The following SPPL3 variants were observed in gnomAD, a reference collection of about 807,000 sequenced individuals.
SPPL3 encodes signal peptide peptidase-like 3.
SPPL3 carries 5 observed loss-of-function variants against 42.4 expected under a neutral mutation model. That is an observed-to-expected ratio of 0.12 (90% CI 0.06 to 0.25). SPPL3 has a LOEUF of 0.25. Ranked by LOEUF, SPPL3 falls within the 10% of genes least tolerant of loss-of-function variation. SPPL3 has a pLI of 1.00. For missense variants in SPPL3, 235 were observed against 489.0 expected (o/e 0.48, Z 4.90); for synonymous variants, 195 against 181.8 (o/e 1.07, Z -0.58).
rs1002140219 is a variant in SPPL3, at chr12:120,903,494, C to T, written c.23+351G>A. 3 of 310,976 alleles carry T rather than the reference C, an allele frequency of 9.6e-6. No individual in the cohort carries two copies. In the South Asian group the frequency reaches 1.1e-4, roughly 12 times the overall value. 19.3% of individuals were successfully genotyped at this position (310,976 alleles called of 1,614,324 possible). On this transcript the variant is annotated intron_variant, in intron 1 of 10. Coordinates refer to ENST00000353487, the MANE Select transcript of SPPL3 (RefSeq NM_139015.5). ...TTCGAGTCCTCCTGCCCAGGAAACA[C>T]CCCCACGAGTCAGTTCCGGGGTGCC...
In SPPL3 at chr12:120,904,168, G is replaced by A. The variant is rs1414486462; in HGVS notation, c.-301C>T. ...AACATGGCGGCGGCGGCGGCGCGGA[G>A]AACAAGGGGGCCCTGGGGCGGGCGA... is the stretch of plus-strand genomic sequence containing the variant. On this transcript the variant is annotated 5_prime_UTR_variant, in exon 1 of 11. Transcript: ENST00000353487. 3 of 279,518 alleles carry A rather than the reference G, an allele frequency of 1.1e-5. No individual in the cohort carries two copies. Among genetic ancestry groups the A allele is most frequent in the African/African-American group, 2.3e-5 (1 of 43,900 alleles). The allele number at this position is 279,518 out of a possible 1,614,324, so 17.3% of individuals were successfully genotyped here.
At chr12:120,903,783 C>T in intron 1 of SPPL3, 62 bp downstream of exon 1, 1 of 1,037,916 alleles carries the variant, frequency 9.6e-7, no homozygotes, top group Non-Finnish European at 1.3e-6. Context: ...CCTCGGCGGG[C>T]CGCGCCGGCG....
Position 120,774,307 on chromosome 12 carries a change from CCACTGT to C in SPPL3, c.503-5254_503-5249del, listed in dbSNP as rs1869231097. Among the ~76,000 whole-genome samples, 3 of 152,312 alleles carry C rather than the reference CCACTGT, an allele frequency of 2.0e-5. No individual in the cohort carries two copies. In the South Asian group the frequency reaches 6.2e-4, roughly 32 times the overall value. ...ACTCTTTCCCATGTACTGTTCACTGCCACTGTCAAACATCTGTTCACATAATTTCCT... is the reference window on the plus strand; with the variant it reads ...ACTCTTTCCCATGTACTGTTCACTGCCAAACATCTGTTCACATAATTTCCT... On this transcript the variant is annotated intron_variant, in intron 6 of 10. Transcript: ENST00000353487.
intron 1 of SPPL3, among the ~76,000 whole-genome samples, chr12:120,868,139 C>G (rs190203907): frequency 6.6e-6 from 1 of 152,060 alleles, no homozygotes; most frequent in African/African-American, 2.4e-5. Context: ...ACCTATAATC[C>G]CAGCCATTCA....
Position 120,857,173 on chromosome 12 carries a change from C to A in SPPL3, c.24-46287G>T, listed in dbSNP as rs1025288825. ...CCCTCTTCCCCTCCACCAGAAAAGT[C>A]AAAAGAGGGAGCTCTAGAGCCAGAA... On this transcript the variant is annotated intron_variant, in intron 1 of 10. Coordinates refer to ENST00000353487, the MANE Select transcript of SPPL3 (RefSeq NM_139015.5). 4.6e-5 allele frequency among the ~76,000 whole-genome samples: 7 copies of A among 152,318 alleles called. No homozygotes were observed. The East Asian group carries it at 1.3e-3, about 29-fold the overall frequency.
At chr12:120,785,148 A>G (rs1305830902) in intron 3 of SPPL3, among the ~76,000 whole-genome samples, 1 of 152,172 alleles carries the variant, frequency 6.6e-6, no homozygotes, top group Non-Finnish European at 1.5e-5. Context: ...TCACGCCTGT[A>G]ATCCCAGGAC....
chr12:120,903,587 G>C, intron 1 of SPPL3: 1 of 452,460 alleles, frequency 2.2e-6, no homozygotes, highest in Non-Finnish European at 4.0e-6. Flanking sequence ...TCCATCACCT[G>C]CTCCGCCCAT....
intron 1 of SPPL3, among the ~76,000 whole-genome samples, chr12:120,827,921 G>A (rs1244646828): frequency 6.6e-6 from 1 of 152,066 alleles, no homozygotes; most frequent in East Asian, 1.9e-4. Flanking sequence ...CCGAGGAGCT[G>A]GGACTACAGG....
At position 120,824,738 on chromosome 12, in the gene SPPL3, A is replaced by AT. The variant is rs928301292; in HGVS notation, c.24-13853dup. Reference sequence around the variant, plus strand: ...ATTTTTGTAGAGATGGGGTTTTGCCATATTACCCAAGCTGGTCTTGAACTC... The same window carrying AT: ...ATTTTTGTAGAGATGGGGTTTTGCCATTATTACCCAAGCTGGTCTTGAACTC... On this transcript the variant is annotated intron_variant, in intron 1 of 10. Coordinates refer to ENST00000353487, the MANE Select transcript of SPPL3 (RefSeq NM_139015.5). Among the ~76,000 whole-genome samples, 26 of 152,124 alleles carry AT rather than the reference A, an allele frequency of 1.7e-4. 1 individual carries two copies. Among genetic ancestry groups the AT allele is most frequent in the Non-Finnish European group, 1.5e-5 (1 of 68,010 alleles).
At chr12:120,864,533 A>AAAAAAC (rs773547197) in intron 1 of SPPL3, among the ~76,000 whole-genome samples, 4 of 152,184 alleles carry the variant, frequency 2.6e-5, no homozygotes, top group Non-Finnish European at 5.9e-5. Flanking sequence ...ACCCCATCTC[A>AAAAAAC]AAAAACAAAA....
chr12:120,839,904 G>A (rs905917538), intron 1 of SPPL3, among the ~76,000 whole-genome samples: 2 of 151,938 alleles, frequency 1.3e-5, no homozygotes, highest in African/African-American at 2.4e-5. Context: ...ATAACCCAAA[G>A]GCAGAAATAA....
At chr12:120,816,809 C>T (rs1870891693) in intron 1 of SPPL3, among the ~76,000 whole-genome samples, 2 of 152,110 alleles carry the variant, frequency 1.3e-5, no homozygotes, top group Non-Finnish European at 2.9e-5. Context: ...GGCCTAATTC[C>T]AGAGTCTCTC....
intron 2 of SPPL3, among the ~76,000 whole-genome samples, chr12:120,797,480 T>C (rs1870143301): frequency 6.6e-6 from 1 of 152,168 alleles, no homozygotes; most frequent in African/African-American, 2.4e-5. Context: ...TGAAAACTGC[T>C]GTGTTATGAG....
At chr12:120,788,595 G>A (rs753552264) in intron 3 of SPPL3, among the ~76,000 whole-genome samples, 11 of 152,064 alleles carry the variant, frequency 7.2e-5, no homozygotes, top group Non-Finnish European at 1.5e-4. Context: ...GCATGTAATC[G>A]TAAGAGTAAC....
chr12:120,864,445 G>C (rs1265537823), intron 1 of SPPL3, among the ~76,000 whole-genome samples: 1 of 152,196 alleles, frequency 6.6e-6, no homozygotes, highest in Non-Finnish European at 1.5e-5. Context: ...TGAGGCAGGA[G>C]AACTGCTTGA....
chr12:120,903,966 T>TTGCG lies in SPPL3; in HGVS notation c.-100_-99insCGCA. On this transcript the variant is annotated 5_prime_UTR_variant, in exon 1 of 11. Coordinates refer to ENST00000353487, the MANE Select transcript of SPPL3 (RefSeq NM_139015.5). ...TGAAGGCGCGGCCGGGGTCCGGTGC[T>TTGCG]TGCTTGCTTGCTCGCTCGCTGGCTC... The TTGCG allele has an allele frequency of 9.8e-7, 1 of 1,017,422 alleles. No individual in the cohort carries two copies. Among genetic ancestry groups the TTGCG allele is most frequent in the Non-Finnish European group, 1.3e-6 (1 of 788,712 alleles). 63.0% of individuals were successfully genotyped at this position (1,017,422 alleles called of 1,614,324 possible). A position where few individuals can be genotyped will look rare whatever the true frequency, so the allele number is the denominator to read the frequency against.
At chr12:120,897,908 T>C (rs1873858552) in intron 1 of SPPL3, among the ~76,000 whole-genome samples, 1 of 152,158 alleles carries the variant, frequency 6.6e-6, no homozygotes. Flanking sequence ...CCTGTGTTAT[T>C]TGCCATTCTC....
chr12:120,841,575 GA>G (rs981763624), intron 1 of SPPL3, among the ~76,000 whole-genome samples: 3 of 152,150 alleles, frequency 2.0e-5, no homozygotes, highest in African/African-American at 7.2e-5. Flanking sequence ...GGTGGAAAGA[GA>G]AATTGCCTCA....
chr12:120,806,536 A>T (rs1870497356), intron 2 of SPPL3, among the ~76,000 whole-genome samples: 3 of 152,164 alleles, frequency 2.0e-5, no homozygotes, highest in African/African-American at 7.2e-5. Flanking sequence ...AAGAAGCAAA[A>T]CTATAAAACT....
Sources: allele counts gnomAD v4.1 joint callset (sites outside exome capture counted in the v4.1 genomes callset), GRCh38; gene constraint gnomAD v4.1.1; transcripts MANE v1.5; gene names NCBI Gene and HGNC (gene_info 2026-07-23, HGNC 2026-07-21).